The following HDGFL2 variants were observed in gnomAD, a reference collection of about 807,000 sequenced individuals.
HDGFL2 encodes the protein hepatoma-derived growth factor-related protein 2.
A neutral mutation model predicts 77.1 loss-of-function variants in HDGFL2; 36 were observed. The observed-to-expected ratio is 0.47, with a 90% CI of 0.36 to 0.62. The LOEUF is 0.62. Ranked by LOEUF, HDGFL2 falls within the 20% of genes least tolerant of loss-of-function variation. The pLI is 0.00. For missense variants in HDGFL2, 976 were observed against 973.4 expected, an observed-to-expected ratio of 1.00 and a Z score of -0.04; for synonymous variants, 463 against 413.1, an observed-to-expected ratio of 1.12 and a Z score of -1.46.
chr19:4,496,176 G>A (rs1975696077), intron 9 of HDGFL2, 126 bp from the exon 10 acceptor site: 1 of 751,564 alleles, frequency 1.3e-6, no homozygotes, highest in African/African-American at 1.7e-5. Context: ...TCCTGCCCCA[G>A]CACCTTCAAA....
In HDGFL2 at chr19:4,494,412, G is replaced by A. The variant is rs1975644953; in HGVS notation, c.1161G>A (p.Lys387=). 3 of 1,404,384 alleles carry A rather than the reference G, an allele frequency of 2.1e-6. No individual in the cohort carries two copies. Among genetic ancestry groups the A allele is most frequent in the Non-Finnish European group, 2.8e-6 (3 of 1,084,052 alleles). The allele number at this position is 1,404,384 out of a possible 1,614,324, so 87.0% of individuals were successfully genotyped here. The change falls in exon 9 of 16, where the codon AAG becomes AAA. Residue 387 remains lysine, a synonymous_variant. Coordinates refer to ENST00000616600, the MANE Select transcript of HDGFL2 (RefSeq NM_001001520.3). Reference sequence around the variant, plus strand: ...AGCCCGTCAAGAAGCGGGGACGCAAGGGCCGGGGCCGGGGTCCCCCGTCCT... The same window carrying A: ...AGCCCGTCAAGAAGCGGGGACGCAAAGGCCGGGGCCGGGGTCCCCCGTCCT... ...DDEPVKKRGR[K]GRGRGPPSSS...
In HDGFL2 at chr19:4,494,019, G is replaced by A. The variant is rs1455823442; in HGVS notation, c.876G>A (p.Pro292=). The change falls in exon 8 of 16, where the codon CCG becomes CCA. Residue 292 remains proline (P), a synonymous_variant. Coordinates refer to ENST00000616600, the MANE Select transcript of HDGFL2 (RefSeq NM_001001520.3). The part of the protein sequence containing the change: ...KPLPKPRGRK[P]KPERPPSSSS... ...TCCCGAAGCCGCGAGGGCGGAAACC[G>A]AAGCCTGAACGGCCTCCGTCCAGCT... 7 of 1,611,616 alleles carry A rather than the reference G, an allele frequency of 4.3e-6. No individual in the cohort carries two copies. The highest frequency in any genetic ancestry group is 1.1e-5 in the South Asian group (1 of 90,712).
intron 6 of HDGFL2, among the ~76,000 whole-genome samples, chr19:4,492,718 T>A (rs1273890403): frequency 6.8e-6 from 1 of 146,762 alleles, no homozygotes; most frequent in Non-Finnish European, 1.5e-5. Flanking sequence ...GTGTGTGGTG[T>A]GTGGTGTGTG....
intron 1 of HDGFL2, among the ~76,000 whole-genome samples, chr19:4,474,602 T>C (rs1055233799): frequency 6.6e-6 from 1 of 152,088 alleles, no homozygotes; most frequent in Admixed American, 6.5e-5. Context: ...GCTGACTTTC[T>C]TGGGGGAGAC....
chr19:4,494,175 C>A lies in HDGFL2; in HGVS notation c.924C>A (p.Asp308Glu). 6.7e-7 allele frequency: 1 copy of A among 1,492,130 alleles called. No homozygotes were observed. 92.4% of individuals were successfully genotyped at this position (1,492,130 alleles called of 1,614,324 possible). The change falls in exon 9 of 16, where the codon GAC becomes GAA. Residue 308 changes from aspartate (D) to glutamate (E), a missense_variant. Coordinates refer to ENST00000616600, the MANE Select transcript of HDGFL2 (RefSeq NM_001001520.3). The part of the protein sequence containing the change: ...PSSSSSDSDS[D>E]EVDRISEWKR... ...CCCCCTCCGCCTCCAGTGACAGCGA[C>A]GAGGTGGACCGCATCAGTGAGTGGA...
rs753630006 is a variant in HDGFL2 at position 4,501,975 on chromosome 19, C to T, written c.1981C>T (p.Arg661Trp). 2.6e-5 allele frequency: 40 copies of T among 1,511,752 alleles called. No individual in the cohort carries two copies. Among genetic ancestry groups the T allele is most frequent in the East Asian group, 1.5e-4 (6 of 40,584 alleles). The allele number at this position is 1,511,752 out of a possible 1,614,324, so 93.6% of individuals were successfully genotyped here. ...CGACCGGCAGGAGCGCGAGAGGGCA[C>T]GGGGGGACTCGGAGGCCCTGGACGA... ...GSDRQERERA[R>W]GDSEALDEES The change falls in exon 16 of 16, where the codon CGG becomes TGG. Residue 661 changes from arginine (R) to tryptophan (W), a missense_variant. Physicochemically the swap from Arg to Trp is moderately radical, Grantham distance 101. Transcript: ENST00000616600.
intron 3 of HDGFL2, among the ~76,000 whole-genome samples, chr19:4,478,079 CAAA>C (rs1160351990): frequency 1.5e-4 from 12 of 78,574 alleles, no homozygotes; most frequent in African/African-American, 3.1e-4. Context: ...GACTCTGTCT[CAAA>C]AAAAAAAAAA....
rs768872801 is a variant in HDGFL2, at chr19:4,488,718, G to A, written c.331G>A (p.Ala111Thr). The A allele has an allele frequency of 5.2e-5, 80 of 1,552,766 alleles. No homozygotes were observed. The East Asian group carries it at 1.4e-3, about 27-fold the overall frequency. Residue 111 changes from alanine to threonine, a missense_variant, in exon 4 of 16, where the codon GCC becomes ACC. Physicochemically the swap from Ala to Thr is moderately conservative, Grantham distance 58 (BLOSUM62 0). This residue lies in a region of HDGFL2 where 103 missense variants were observed against 145.7 expected (regional missense o/e 0.71). Coordinates refer to ENST00000616600, the MANE Select transcript of HDGFL2 (RefSeq NM_001001520.3). ...SDSEAPEANP[A>T]DGSDADEDDE... is the part of the protein sequence containing the mutation. ...CAGCGAGGCCCCCGAGGCCAACCCC[G>A]CCGACGGCAGTGACGCTGACGAGGA...
Position 4,501,176 on chromosome 19 carries a change from C to G in HDGFL2, c.1790-15C>G, listed in dbSNP as rs375013270. The G allele has an allele frequency of 3.4e-4, 542 of 1,612,892 alleles. 1 individual carries two copies. The African/African-American group carries it at 6.6e-3, about 20-fold the overall frequency. ...GGAGCCCAGCAGTGTCCTGTGACCC[C>G]TCTGTCCCACCCAGATCTCTCAGCC... is the stretch of plus-strand genomic sequence containing the variant. On this transcript the variant is annotated splice_polypyrimidine_tract_variant and intron_variant, in intron 14 of 15. Coordinates refer to ENST00000616600, the MANE Select transcript of HDGFL2 (RefSeq NM_001001520.3).
At chr19:4,483,268 T>C (rs1400921097) in intron 3 of HDGFL2, among the ~76,000 whole-genome samples, 1 of 152,112 alleles carries the variant, frequency 6.6e-6, no homozygotes, top group African/African-American at 2.4e-5. Context: ...TCGTTTTCCT[T>C]GTGTGCTGAT....
intron 6 of HDGFL2, among the ~76,000 whole-genome samples, chr19:4,493,166 TG>T (rs1975589128): frequency 6.9e-6 from 1 of 144,096 alleles, no homozygotes; most frequent in African/African-American, 2.6e-5. Context: ...GTGTTGTCTG[TG>T]TGTGGTGTGT....
At position 4,493,809 on chromosome 19, in the gene HDGFL2, C is replaced by T; in HGVS notation, c.785C>T (p.Ser262Phe). The part of the protein sequence containing the change: ...RSASSSSSSS[S>F]SSDSDVSVKK... ...GCGTCCTCCTCCTCCTCTTCCTCCT[C>T]CTCCTCCGACTCCGATGTGTCTGTG... Residue 262 changes from serine (S) to phenylalanine (F), a missense_variant, in exon 7 of 16, where the codon TCC (serine) becomes TTC (phenylalanine). Around this residue, in one of 5 missense-constraint regions of HDGFL2, gnomAD observed 567 missense variants for 534.7 expected, o/e 1.06. Coordinates refer to ENST00000616600, the MANE Select transcript of HDGFL2 (RefSeq NM_001001520.3). 2 of 1,539,896 alleles carry T rather than the reference C, an allele frequency of 1.3e-6. No homozygotes were observed. Among genetic ancestry groups the T allele is most frequent in the Middle Eastern group, 1.7e-4 (1 of 5,944 alleles).
intron 3 of HDGFL2, among the ~76,000 whole-genome samples, chr19:4,479,657 C>T (rs1038712272): frequency 1.3e-5 from 2 of 151,632 alleles, no homozygotes; most frequent in Admixed American, 6.6e-5. Flanking sequence ...ACCTGTAATC[C>T]CAGCACTTTG....
intron 6 of HDGFL2, 87 bp from the exon 7 acceptor site, chr19:4,493,616 G>T: frequency 7.7e-7 from 1 of 1,298,804 alleles, no homozygotes; most frequent in South Asian, 2.6e-5. Context: ...GGCGGCTGCA[G>T]GGGTGCGGGA....
chr19:4,493,792 C>G lies in HDGFL2; in HGVS notation c.768C>G (p.Ser256=), dbSNP rs1173341273. ...TGGCCATGGCGCGGTCGGCGTCCTCCTCCTCCTCTTCCTCCTCCTCCTCCG... is the reference window on the plus strand; with the variant it reads ...TGGCCATGGCGCGGTCGGCGTCCTCGTCCTCCTCTTCCTCCTCCTCCTCCG... The part of the protein sequence containing the change: ...EPVAMARSAS[S]SSSSSSSSDS... The change falls in exon 7 of 16, where the codon TCC becomes TCG. Residue 256 remains serine (S), a synonymous_variant. Coordinates refer to ENST00000616600, the MANE Select transcript of HDGFL2 (RefSeq NM_001001520.3). 2 of 1,544,100 alleles carry G rather than the reference C, an allele frequency of 1.3e-6. No individual in the cohort carries two copies. The highest frequency in any genetic ancestry group is 1.8e-6 in the Non-Finnish European group (2 of 1,141,880).
intron 3 of HDGFL2, among the ~76,000 whole-genome samples, chr19:4,478,866 A>C (rs1004338090): frequency 7.9e-5 from 12 of 151,218 alleles, no homozygotes; most frequent in Non-Finnish European, 1.5e-4. Flanking sequence ...TTGTATTTTT[A>C]GTAGAGACGG....
intron 1 of HDGFL2, chr19:4,474,992 C>G (rs1270822173): frequency 4.8e-6 from 2 of 417,994 alleles, no homozygotes; most frequent in East Asian, 9.7e-5. Context: ...TGGCCCCACC[C>G]CCTGGTTGCT....
intron 6 of HDGFL2, among the ~76,000 whole-genome samples, chr19:4,492,804 G>T (rs1975557617): frequency 6.9e-6 from 1 of 144,690 alleles, no homozygotes. Context: ...TTTCTGGTCT[G>T]TGTGTTATGT....
Position 4,497,180 on chromosome 19 carries a change from A to ATGTTTT in HDGFL2, c.1328+775_1328+776insTGTTTT, listed in dbSNP as rs778159036. ...GAGCCACCGTGCCTGGCTGCAGCCCACGTTTTTGTTTTTGTTTTTGTTTTT... is the reference window on the plus strand; with the variant it reads ...GAGCCACCGTGCCTGGCTGCAGCCCATGTTTTCGTTTTTGTTTTTGTTTTTGTTTTT... On this transcript the variant is annotated intron_variant, in intron 10 of 15. Coordinates refer to ENST00000616600, the MANE Select transcript of HDGFL2 (RefSeq NM_001001520.3). The ATGTTTT allele has an allele frequency of 3.8e-5, 16 of 416,826 alleles. No individual in the cohort carries two copies. The Middle Eastern group carries it at 7.1e-3, about 184-fold the overall frequency. 25.8% of individuals were successfully genotyped at this position (416,826 alleles called of 1,614,324 possible). A position where few individuals can be genotyped will look rare whatever the true frequency, so the allele number is the denominator to read the frequency against.
Sources: gnomAD v4.1 joint callset for allele counts (sites outside exome capture counted in the v4.1 genomes callset) on GRCh38, gnomAD v4.1.1 for gene constraint, gnomAD v4.1.1 regional missense constraint, MANE v1.5 for transcripts, NCBI Gene and HGNC (gene_info 2026-07-23, HGNC 2026-07-21) for gene names.